GRM1: variants seen among roughly 807,000 people sequenced by gnomAD.
GRM1 encodes the protein glutamate metabotropic receptor 1, also known as metabotropic glutamate receptor 1.
In GRM1, 33 loss-of-function variants were observed where a neutral mutation model predicts 90.9. That is an observed-to-expected ratio of 0.36 (90% CI 0.28 to 0.49). The LOEUF is 0.49. Among genes scored for constraint, GRM1 ranks in the 20% least tolerant of loss-of-function variants. GRM1 has a pLI of 0.99. For missense variants in GRM1, 1,190 were observed against 1,534.3 expected, an observed-to-expected ratio of 0.78 and a Z score of 3.75; for synonymous variants, 700 against 613.2, an observed-to-expected ratio of 1.14 and a Z score of -2.09.
intron 3 of GRM1, among the ~76,000 whole-genome samples, chr6:146,344,994 A>T (rs1409556309): frequency 6.6e-6 from 1 of 152,072 alleles, no homozygotes; most frequent in African/African-American, 2.4e-5. Context: ...TATTTTTAGT[A>T]GAGACAGAGT....
intron 7 of GRM1, among the ~76,000 whole-genome samples, chr6:146,431,491 G>C (rs1209528408): frequency 6.6e-6 from 1 of 152,106 alleles, no homozygotes; most frequent in African/African-American, 2.4e-5. Context: ...GTACCTTTTT[G>C]CTATTATGTG....
At chr6:146,041,264 C>G (rs1791091848) in intron 1 of GRM1, among the ~76,000 whole-genome samples, 1 of 152,030 alleles carries the variant, frequency 6.6e-6, no homozygotes, top group Admixed American at 6.6e-5. Context: ...CTGCTCCTTG[C>G]TTTACCCATT....
chr6:146,337,538 A>G (rs181893403), intron 3 of GRM1, among the ~76,000 whole-genome samples: 37 of 152,274 alleles, frequency 2.4e-4, no homozygotes, highest in East Asian at 1.6e-3. Context: ...CCAGCTTCCT[A>G]GTCTCTGGGA....
chr6:146,100,515 A>G (rs1010343968), intron 1 of GRM1, among the ~76,000 whole-genome samples: 12 of 152,248 alleles, frequency 7.9e-5, no homozygotes, highest in African/African-American at 2.9e-4. Context: ...GGCCTTCCCC[A>G]TTGCTCTGGA....
intron 1 of GRM1, among the ~76,000 whole-genome samples, chr6:146,063,909 T>C (rs1775758397): frequency 1.3e-5 from 2 of 152,308 alleles, no homozygotes; most frequent in South Asian, 4.1e-4. Flanking sequence ...TCTATGCTAA[T>C]TAAGAGATGC....
At chr6:146,072,801 A>T (rs1776057459) in intron 1 of GRM1, among the ~76,000 whole-genome samples, 1 of 152,158 alleles carries the variant, frequency 6.6e-6, no homozygotes, top group Admixed American at 6.6e-5. Flanking sequence ...ACTGTCTATA[A>T]ATTTCTGAAG....
intron 2 of GRM1, among the ~76,000 whole-genome samples, chr6:146,208,348 A>G (rs1309587216): frequency 6.6e-6 from 1 of 152,138 alleles, no homozygotes; most frequent in Non-Finnish European, 1.5e-5. Context: ...AAAAAAATGT[A>G]TATTTTTTTC....
chr6:146,364,315 G>A (rs914887072), intron 5 of GRM1, among the ~76,000 whole-genome samples: 2 of 152,180 alleles, frequency 1.3e-5, no homozygotes, highest in African/African-American at 4.8e-5. Context: ...ACAGTGTGAG[G>A]AGGAATTTTG....
At chr6:146,218,845 C>T (rs9497492) in intron 2 of GRM1, among the ~76,000 whole-genome samples, 16,876 of 151,960 alleles carry the variant, frequency 0.11, 1,847 homozygotes, top group African/African-American at 0.28. Flanking sequence ...TCCTGCCACA[C>T]GTATAGATTA....
At chr6:146,121,724 G>A (rs535097436) in intron 1 of GRM1, among the ~76,000 whole-genome samples, 5 of 152,318 alleles carry the variant, frequency 3.3e-5, no homozygotes, top group Non-Finnish European at 7.3e-5. Context: ...AGGTTGTTCA[G>A]TTTCCATGTA....
chr6:146,345,794 T>G (rs749889593), intron 3 of GRM1, among the ~76,000 whole-genome samples: 6 of 152,160 alleles, frequency 3.9e-5, no homozygotes, highest in Non-Finnish European at 7.3e-5. Flanking sequence ...GGTTGTTGAG[T>G]AAGGAATTGG....
At chr6:146,259,974 T>TTA (rs942097311) in intron 2 of GRM1, among the ~76,000 whole-genome samples, 195 of 145,204 alleles carry the variant, frequency 1.3e-3, no homozygotes, top group Middle Eastern at 3.6e-3. Context: ...ATATATATAT[T>TTA]TATATATATA....
intron 2 of GRM1, among the ~76,000 whole-genome samples, chr6:146,214,145 TC>T (rs1451988047): frequency 6.6e-6 from 1 of 152,160 alleles, no homozygotes; most frequent in African/African-American, 2.4e-5. Flanking sequence ...CCTCTCAGAC[TC>T]ATAAGCTGAG....
intron 7 of GRM1, among the ~76,000 whole-genome samples, chr6:146,427,906 T>C (rs1267864277): frequency 6.6e-6 from 1 of 152,124 alleles, no homozygotes; most frequent in Non-Finnish European, 1.5e-5. Context: ...AAAGGATTGA[T>C]GGGAATGGGT....
intron 1 of GRM1, 143 bp from the exon 2 acceptor site, chr6:146,159,205 T>C (rs745934526): frequency 2.2e-6 from 2 of 922,308 alleles, no homozygotes; most frequent in Non-Finnish European, 3.5e-6. Flanking sequence ...TCCATCCAGA[T>C]CTTCCGTCAG....
chr6:146,315,208 T>C (rs996708007), intron 3 of GRM1, among the ~76,000 whole-genome samples: 2 of 152,054 alleles, frequency 1.3e-5, no homozygotes, highest in Non-Finnish European at 2.9e-5. Context: ...TGGGCACTTT[T>C]AGAGGACATG....
At chr6:146,367,594 C>A (rs9485077) in intron 5 of GRM1, among the ~76,000 whole-genome samples, 1 of 151,906 alleles carries the variant, frequency 6.6e-6, no homozygotes, top group African/African-American at 2.4e-5. Flanking sequence ...GTCCCCAGTG[C>A]CTGTTGTTGC....
intron 2 of GRM1, among the ~76,000 whole-genome samples, chr6:146,298,232 A>G (rs1451125914): frequency 1.3e-5 from 2 of 152,122 alleles, no homozygotes; most frequent in African/African-American, 4.8e-5. Flanking sequence ...AAATTGGCTG[A>G]GGGTCAGACT....
At chr6:146,053,816 C>G (rs1230579020) in intron 1 of GRM1, among the ~76,000 whole-genome samples, 1 of 151,970 alleles carries the variant, frequency 6.6e-6, no homozygotes, top group Non-Finnish European at 1.5e-5. Flanking sequence ...AAATTTGGGA[C>G]CACTATGTAC....
Sources: allele counts gnomAD v4.1 joint callset (sites outside exome capture counted in the v4.1 genomes callset), GRCh38; gene constraint gnomAD v4.1.1; transcripts MANE v1.5; gene names NCBI Gene and HGNC (gene_info 2026-07-23, HGNC 2026-07-21).